Variants in CUL5 observed in about 807,000 individuals in gnomAD.
CUL5 encodes cullin 5.
A neutral mutation model predicts 108.8 loss-of-function variants in CUL5; 26 were observed. The ratio of observed to expected loss-of-function variants is 0.24; its 90% CI spans 0.18 to 0.33. CUL5 has a LOEUF of 0.33. Among genes scored for constraint, CUL5 ranks in the 10% least tolerant of loss-of-function variants. The pLI is 1.00. For synonymous variants in CUL5, 334 were observed against 298.0 expected, an observed-to-expected ratio of 1.12 and a Z score of -1.25; for missense variants, 524 against 909.2, an observed-to-expected ratio of 0.58 and a Z score of 5.45.
chr11:108,098,391 C>A lies in CUL5; in HGVS notation c.2025-15C>A. The A allele has an allele frequency of 6.3e-7, 1 of 1,592,022 alleles. No homozygotes were observed. Among genetic ancestry groups the A allele is most frequent in the Non-Finnish European group, 8.5e-7 (1 of 1,171,360 alleles). ...GTTTTTCACCATAAAATACTTGATG[C>A]AATTCTTTTTGTAGAAAAAATGCAA... On this transcript the variant is annotated splice_polypyrimidine_tract_variant and intron_variant, in intron 17 of 18. Coordinates refer to ENST00000393094, the MANE Select transcript of CUL5 (RefSeq NM_003478.6).
At chr11:108,023,262 C>A (rs1173178814) in intron 1 of CUL5, among the ~76,000 whole-genome samples, 1 of 151,774 alleles carries the variant, frequency 6.6e-6, no homozygotes, top group Non-Finnish European at 1.5e-5. Context: ...ACAAAACAAA[C>A]AAAAAAAACG....
intron 2 of CUL5, among the ~76,000 whole-genome samples, chr11:108,036,386 A>T (rs1591287394): frequency 1.3e-5 from 2 of 152,364 alleles, no homozygotes; most frequent in African/African-American, 2.4e-5. Context: ...AATGACTAGC[A>T]GCATATTACA....
intron 1 of CUL5, among the ~76,000 whole-genome samples, chr11:108,016,782 T>C (rs1256643496): frequency 6.6e-6 from 1 of 151,746 alleles, no homozygotes; most frequent in Non-Finnish European, 1.5e-5. Context: ...GCAACCCCAT[T>C]TGTACAAAAA....
rs184281237 is a variant in CUL5, at chr11:108,061,201, T to A, written c.780+6246T>A. On this transcript the variant is annotated intron_variant, in intron 7 of 18. Transcript: ENST00000393094. ...AGAGAGATGGCTTATCACTATACTTTCCATTCAAGATGTATTTTCAAATAA... is the reference window on the plus strand; with the variant it reads ...AGAGAGATGGCTTATCACTATACTTACCATTCAAGATGTATTTTCAAATAA... 3.3e-4 allele frequency among the ~76,000 whole-genome samples: 51 copies of A among 152,284 alleles called. No homozygotes were observed. In the East Asian group the frequency reaches 6.6e-3, roughly 20 times the overall value.
At chr11:108,049,131 T>A (rs1591298001) in intron 3 of CUL5, among the ~76,000 whole-genome samples, 1 of 152,180 alleles carries the variant, frequency 6.6e-6, no homozygotes, top group South Asian at 2.1e-4. Context: ...CCTATACCTA[T>A]GAACAGTCAC....
Position 108,105,743 on chromosome 11 carries a change from T to C in CUL5, c.*1359T>C, listed in dbSNP as rs1213488558. ...TGGCTCAACGTGGATTTTTATTCAT[T>C]GTGGTGCACGTTTCAAATTTTCTTG... On this transcript the variant is annotated 3_prime_UTR_variant, in exon 19 of 19. Coordinates refer to ENST00000393094, the MANE Select transcript of CUL5 (RefSeq NM_003478.6). 1 of 152,124 alleles carries C rather than the reference T, an allele frequency of 6.6e-6. No homozygotes were observed. Among genetic ancestry groups the C allele is most frequent in the African/African-American group, 2.4e-5 (1 of 41,436 alleles). The allele number at this position is 152,124 out of a possible 1,614,324, so 9.4% of individuals were successfully genotyped here. A position where few individuals can be genotyped will look rare whatever the true frequency, so the allele number is the denominator to read the frequency against.
intron 2 of CUL5, among the ~76,000 whole-genome samples, chr11:108,042,726 AG>A (rs1254123380): frequency 6.6e-6 from 1 of 152,044 alleles, no homozygotes; most frequent in African/African-American, 2.4e-5. Flanking sequence ...TGCATAAAAT[AG>A]TTGTAAACAT....
intron 7 of CUL5, among the ~76,000 whole-genome samples, chr11:108,064,602 C>T (rs1020806601): frequency 6.6e-6 from 1 of 152,004 alleles, no homozygotes; most frequent in African/African-American, 2.4e-5. Context: ...CCCAGCTACT[C>T]GGGAGGCTAA....
intron 7 of CUL5, among the ~76,000 whole-genome samples, chr11:108,059,071 G>A (rs1044296131): frequency 2.0e-5 from 3 of 152,166 alleles, no homozygotes; most frequent in African/African-American, 7.2e-5. Context: ...GCTGTTCACA[G>A]GTTTGATCAT....
intron 13 of CUL5, among the ~76,000 whole-genome samples, chr11:108,093,278 T>A (rs1414079250): frequency 8.7e-6 from 1 of 114,652 alleles, no homozygotes; most frequent in East Asian, 2.1e-4. Flanking sequence ...TTGGATGATC[T>A]TCTAGCATTT....
intron 3 of CUL5, among the ~76,000 whole-genome samples, chr11:108,049,247 GT>G (rs34307674): frequency 0.96 from 146,604 of 152,224 alleles, 70,848 homozygotes; most frequent in East Asian, 1. Flanking sequence ...TTTGTGACTA[GT>G]TTTCTTTCAC....
At position 108,083,639 on chromosome 11, in the gene CUL5, A is replaced by G. The variant is rs138182387; in HGVS notation, c.1179-4888A>G. Reference sequence around the variant, plus strand: ...GACCCATCTCTACAAAATGTTTTAAAAATTAGACGAGCATGATGGTGCGTG... The same window carrying G: ...GACCCATCTCTACAAAATGTTTTAAGAATTAGACGAGCATGATGGTGCGTG... On this transcript the variant is annotated intron_variant, in intron 11 of 18. Coordinates refer to ENST00000393094, the MANE Select transcript of CUL5 (RefSeq NM_003478.6). Among the ~76,000 whole-genome samples, 535 of 152,346 alleles carry G rather than the reference A, an allele frequency of 3.5e-3. 5 individuals carry two copies. The highest frequency in any genetic ancestry group is 0.012 in the African/African-American group (512 of 41,584).
intron 11 of CUL5, among the ~76,000 whole-genome samples, chr11:108,088,005 G>A (rs559728832): frequency 7.3e-5 from 11 of 151,606 alleles, no homozygotes; most frequent in African/African-American, 1.7e-4. Context: ...AAAGTGAAAT[G>A]GAGATACAAA....
At chr11:108,056,524 T>C (rs1288316319) in intron 7 of CUL5, among the ~76,000 whole-genome samples, 3 of 152,210 alleles carry the variant, frequency 2.0e-5, no homozygotes, top group Non-Finnish European at 4.4e-5. Context: ...AGTTTTGATA[T>C]TGGCAAAAGG....
At chr11:108,080,423 G>C (rs1274469388) in intron 11 of CUL5, among the ~76,000 whole-genome samples, 4 of 151,800 alleles carry the variant, frequency 2.6e-5, no homozygotes, top group Non-Finnish European at 5.9e-5. Flanking sequence ...TTGAGACGGG[G>C]CCTTGCTCTA....
chr11:108,039,425 A>AT (rs570476586), intron 2 of CUL5, among the ~76,000 whole-genome samples: 49 of 152,158 alleles, frequency 3.2e-4, no homozygotes, highest in Non-Finnish European at 6.3e-4. Flanking sequence ...AGATTCTCAC[A>AT]TGTTTCCAGA....
At chr11:108,022,467 T>TA (rs1488777940) in intron 1 of CUL5, among the ~76,000 whole-genome samples, 2 of 152,198 alleles carry the variant, frequency 1.3e-5, no homozygotes. Flanking sequence ...TTGTTACAGA[T>TA]ACGCTAATTG....
At chr11:108,081,916 C>A (rs1864097273) in intron 11 of CUL5, among the ~76,000 whole-genome samples, 1 of 152,148 alleles carries the variant, frequency 6.6e-6, no homozygotes, top group Non-Finnish European at 1.5e-5. Context: ...CAAGTTGGTT[C>A]TTTTTCAAGA....
chr11:108,036,319 A>T (rs545772655), intron 2 of CUL5, among the ~76,000 whole-genome samples: 1 of 152,300 alleles, frequency 6.6e-6, no homozygotes, highest in South Asian at 2.1e-4. Context: ...AGAAAAAAGC[A>T]AGAAATTTTG....
Sources: allele counts gnomAD v4.1 joint callset (sites outside exome capture counted in the v4.1 genomes callset), GRCh38; gene constraint gnomAD v4.1.1; transcripts MANE v1.5; gene names NCBI Gene and HGNC (gene_info 2026-07-23, HGNC 2026-07-21).